PRKCH: variants seen among roughly 807,000 people sequenced by gnomAD.
The protein encoded by PRKCH is protein kinase C eta type.
In PRKCH, 28 loss-of-function variants were observed where a neutral mutation model predicts 82.5. That is an observed-to-expected ratio of 0.34 (90% CI 0.25 to 0.47). The LOEUF (loss-of-function observed/expected upper bound fraction) is 0.47. PRKCH is among the 20% of genes least tolerant of loss of function. The probability of loss-of-function intolerance (pLI) is 1.00; values close to 1 mark genes in which losing one functional copy is unlikely to be tolerated. For missense variants in PRKCH, 705 were observed against 881.8 expected (o/e 0.80, Z 2.54); for synonymous variants, 322 against 327.4 (o/e 0.98, Z 0.18).
chr14:61,356,491 G>A (rs557026431), intron 1 of PRKCH, among the ~76,000 whole-genome samples: 4 of 152,024 alleles, frequency 2.6e-5, no homozygotes, highest in East Asian at 1.9e-4. Flanking sequence ...ATATTTTTCC[G>A]GGCTATCTCT....
chr14:61,204,571 A>G (rs2044507437), intron 1 of PRKCH, among the ~76,000 whole-genome samples: 1 of 152,072 alleles, frequency 6.6e-6, no homozygotes, highest in African/African-American at 2.4e-5. Context: ...TCTGGGCAAT[A>G]TAGGGAGACC....
intron 1 of PRKCH, among the ~76,000 whole-genome samples, chr14:61,218,960 C>A (rs183163424): frequency 6.6e-6 from 1 of 152,216 alleles, no homozygotes; most frequent in African/African-American, 2.4e-5. Context: ...AGGCTTCCAC[C>A]GCAGCCTTGG....
intron 2 of PRKCH, among the ~76,000 whole-genome samples, chr14:61,415,109 C>G (rs1882486130): frequency 6.6e-6 from 1 of 152,014 alleles, no homozygotes; most frequent in South Asian, 2.1e-4. Flanking sequence ...CCTCCCATAT[C>G]AGCACTGTCT....
chr14:61,279,387 C>T (rs1204180371), intron 1 of PRKCH: 1 of 152,160 alleles, frequency 6.6e-6, no homozygotes, highest in African/African-American at 2.4e-5. Flanking sequence ...AAATTACTAT[C>T]CGAAAAAGTG....
chr14:61,210,563 C>T (rs1039372061), intron 1 of PRKCH, among the ~76,000 whole-genome samples: 2 of 152,162 alleles, frequency 1.3e-5, no homozygotes, highest in Admixed American at 6.5e-5. Flanking sequence ...GGATTCTGTA[C>T]TTATCATGAT....
At chr14:61,490,636 A>G (rs1354569946) in intron 10 of PRKCH, among the ~76,000 whole-genome samples, 1 of 152,192 alleles carries the variant, frequency 6.6e-6, no homozygotes. Context: ...TGTTGGGGCC[A>G]GGCACAGTGG....
chr14:61,329,482 C>T (rs969902500), intron 1 of PRKCH, among the ~76,000 whole-genome samples: 6 of 152,180 alleles, frequency 3.9e-5, no homozygotes, highest in Admixed American at 3.3e-4. Flanking sequence ...GTGATCCGCC[C>T]GCCTTAGCCT....
chr14:61,515,794 CTT>C (rs1309475342), intron 10 of PRKCH, among the ~76,000 whole-genome samples: 1 of 152,170 alleles, frequency 6.6e-6, no homozygotes, highest in Admixed American at 6.5e-5. Context: ...TGTTTTTACT[CTT>C]TATCAGTGTT....
At chr14:61,231,977 A>G (rs1003676337) in intron 1 of PRKCH, among the ~76,000 whole-genome samples, 2 of 152,144 alleles carry the variant, frequency 1.3e-5, no homozygotes, top group East Asian at 3.9e-4. Context: ...ATTCATTTCA[A>G]CTTGACACTC....
intron 2 of PRKCH, among the ~76,000 whole-genome samples, chr14:61,401,242 C>T (rs571196661): frequency 4.0e-4 from 61 of 152,280 alleles, no homozygotes; most frequent in African/African-American, 1.3e-3. Flanking sequence ...TCTTAATGTA[C>T]ATCTTAAGCT....
In PRKCH at chr14:61,210,754, TTCTCTCTCTCTCTCTC is replaced by T. The variant is rs57385240; in HGVS notation, c.-19+23108_-19+23123del. ...TCACATTAAATAGGCCAAGAGTCCT[TTCTCTCTCTCTCTCTC>T]TCTCTCTCTCTCTCTCTCTCTGTGT... On this transcript the variant is annotated intron_variant, in intron 1 of 3. Coordinates refer to the PRKCH transcript ENST00000555185. 4.7e-3 allele frequency among the ~76,000 whole-genome samples: 684 copies of T among 144,272 alleles called. 9 individuals are homozygous for T. The highest frequency in any genetic ancestry group is 3.1e-3 in the Non-Finnish European group (208 of 66,332). The allele number at this position is 144,272 out of a possible 152,430, so 94.6% of individuals were successfully genotyped here.
chr14:61,449,555 G>C (rs890491765), intron 5 of PRKCH, among the ~76,000 whole-genome samples: 1 of 152,118 alleles, frequency 6.6e-6, no homozygotes, highest in Non-Finnish European at 1.5e-5. Context: ...TATATGGATT[G>C]GTTCTACTTA....
At chr14:61,274,757 A>C (rs574449980) in intron 1 of PRKCH, among the ~76,000 whole-genome samples, 1 of 152,134 alleles carries the variant, frequency 6.6e-6, no homozygotes, top group Non-Finnish European at 1.5e-5. Flanking sequence ...AAGTTACAGT[A>C]CCTATAGGGA....
intron 7 of PRKCH, among the ~76,000 whole-genome samples, chr14:61,453,739 G>C (rs541972181): frequency 6.6e-6 from 1 of 151,356 alleles, no homozygotes; most frequent in East Asian, 2.0e-4. Context: ...CTGCAGACTC[G>C]ACTGCCTAGG....
intron 1 of PRKCH, among the ~76,000 whole-genome samples, chr14:61,189,355 T>A (rs529687847): frequency 1.3e-5 from 2 of 150,964 alleles, no homozygotes; most frequent in Non-Finnish European, 2.9e-5. Flanking sequence ...ATTCTCAAGT[T>A]TAGGGCAAAG....
chr14:61,505,443 A>G (rs1222231947), intron 10 of PRKCH, among the ~76,000 whole-genome samples: 2 of 103,584 alleles, frequency 1.9e-5, no homozygotes, highest in African/African-American at 3.9e-5. Context: ...GTCTTGCTCT[A>G]TCGCCCACTG....
chr14:61,384,431 G>A lies in PRKCH; in HGVS notation c.364-6794G>A, dbSNP rs79967785. ...AAAATTTAAAATCAGTAGATCACCT[G>A]TGGGGTCTGGGAATCTTATATTTAA... On this transcript the variant is annotated intron_variant, in intron 1 of 13. Coordinates refer to ENST00000332981, the MANE Select transcript of PRKCH (RefSeq NM_006255.5). 8.3e-3 allele frequency among the ~76,000 whole-genome samples: 1,251 copies of A among 150,998 alleles called. 35 individuals are homozygous for A. Among genetic ancestry groups the A allele is most frequent in the African/African-American group, 0.03 (1,191 of 40,362 alleles).
intron 10 of PRKCH, among the ~76,000 whole-genome samples, chr14:61,517,890 C>A (rs2042850301): frequency 6.6e-6 from 1 of 152,240 alleles, no homozygotes; most frequent in South Asian, 2.1e-4. Context: ...CTGTTCCTGG[C>A]TGGTGGCTCT....
At chr14:61,378,068 A>G (rs769256513) in intron 1 of PRKCH, among the ~76,000 whole-genome samples, 16 of 152,026 alleles carry the variant, frequency 1.1e-4, no homozygotes, top group Non-Finnish European at 2.2e-4. Flanking sequence ...TAGTTCTATC[A>G]CTTCTCACAG....
Sources: allele counts gnomAD v4.1 joint callset (sites outside exome capture counted in the v4.1 genomes callset), GRCh38; gene constraint gnomAD v4.1.1; transcripts MANE v1.5; gene names NCBI Gene and HGNC (gene_info 2026-07-23, HGNC 2026-07-21).